The following TMEM131 variants were observed in gnomAD, a reference collection of about 807,000 sequenced individuals.
The protein encoded by TMEM131 is 2610524E03Rik.
In TMEM131, 66 loss-of-function variants were observed where a neutral mutation model predicts 211.6. That is an observed-to-expected ratio of 0.31 (90% confidence interval 0.26 to 0.38). The LOEUF (loss-of-function observed/expected upper bound fraction) is 0.38. TMEM131 is among the 10% of genes least tolerant of loss of function. The pLI, the probability that TMEM131 is intolerant of heterozygous loss-of-function variation, is 1.00. For missense variants in TMEM131, 2,036 were observed against 2,299.3 expected, an observed-to-expected ratio of 0.89 and a Z score of 2.34; for synonymous variants, 844 against 841.3, an observed-to-expected ratio of 1.00 and a Z score of -0.06.
intron 3 of TMEM131, among the ~76,000 whole-genome samples, chr2:97,892,736 G>A (rs777980069): frequency 2.0e-5 from 3 of 152,068 alleles, no homozygotes; most frequent in Non-Finnish European, 2.9e-5. Context: ...TCTATGAAAA[G>A]CTTGGTTTTA....
intron 2 of TMEM131, among the ~76,000 whole-genome samples, chr2:97,914,898 G>C (rs1676443787): frequency 6.6e-6 from 1 of 152,206 alleles, no homozygotes; most frequent in Non-Finnish European, 1.5e-5. Flanking sequence ...CCCCAAGAGA[G>C]CAATTAGTAG....
chr2:97,829,971 T>G (rs2105046552), intron 11 of TMEM131, among the ~76,000 whole-genome samples: 1 of 152,118 alleles, frequency 6.6e-6, no homozygotes, highest in East Asian at 1.9e-4. Context: ...GTTGATGAAA[T>G]TTTTTTCATG....
At chr2:97,856,008 A>G (rs1673828741) in intron 5 of TMEM131, among the ~76,000 whole-genome samples, 1 of 152,334 alleles carries the variant, frequency 6.6e-6, no homozygotes, top group South Asian at 2.1e-4. Flanking sequence ...TTTTAATTTT[A>G]GTCACAGACT....
chr2:97,772,349 T>A lies in TMEM131; in HGVS notation c.4396A>T (p.Ser1466Cys). Residue 1466 changes from serine to cysteine, a missense_variant, in exon 33 of 41, where the codon AGC (serine) becomes TGC (cysteine). This residue lies in a region of TMEM131 where 1,623 missense variants were observed against 1,805.9 expected (regional missense o/e 0.90). Transcript: ENST00000186436. ...ESEMSQVKQKSKKLLNIKKEI... is the reference protein window; with the variant it reads ...ESEMSQVKQKCKKLLNIKKEI... ...TTCTTAATATTTAAGAGTTTTTTGCTTTTTTGCTTCACTTGAGACATTTCA... is the reference window on the plus strand; with the variant it reads ...TTCTTAATATTTAAGAGTTTTTTGCATTTTTGCTTCACTTGAGACATTTCA... 1 of 1,600,814 alleles carries A rather than the reference T, an allele frequency of 6.2e-7. No homozygotes were observed. The highest frequency in any genetic ancestry group is 8.5e-7 in the Non-Finnish European group (1 of 1,176,926).
chr2:97,904,798 C>CT (rs74265071), intron 3 of TMEM131, among the ~76,000 whole-genome samples: 1,524 of 138,842 alleles, frequency 0.011, 20 homozygotes, highest in African/African-American at 0.028. Flanking sequence ...GGCTATAGTT[C>CT]TTTTTTTTTT....
intron 11 of TMEM131, chr2:97,827,494 A>G (rs1055030221): frequency 6.5e-6 from 7 of 1,082,782 alleles, no homozygotes; most frequent in African/African-American, 1.5e-5. Flanking sequence ...GGAAACGAAA[A>G]CTGAGGAGAG....
chr2:97,897,612 C>T (rs1675668230), intron 3 of TMEM131, among the ~76,000 whole-genome samples: 1 of 152,090 alleles, frequency 6.6e-6, no homozygotes, highest in Non-Finnish European at 1.5e-5. Context: ...GGCCATGATG[C>T]ATTACCCTGT....
chr2:97,762,297 G>A, intron 35 of TMEM131, 97 bp from the exon 36 acceptor site: 1 of 1,257,662 alleles, frequency 8.0e-7, no homozygotes, highest in Non-Finnish European at 1.1e-6. Flanking sequence ...CATAACTCAA[G>A]CCCTTCTACA....
chr2:97,816,297 C>T (rs966473298), intron 12 of TMEM131, among the ~76,000 whole-genome samples: 2 of 151,970 alleles, frequency 1.3e-5, no homozygotes, highest in African/African-American at 2.4e-5. Context: ...GCCGAGATTG[C>T]GCCATTGCAC....
At chr2:97,768,147 A>C (rs987223672) in intron 33 of TMEM131, among the ~76,000 whole-genome samples, 4 of 152,272 alleles carry the variant, frequency 2.6e-5, no homozygotes, top group Non-Finnish European at 5.9e-5. Context: ...GTAAGAGAGC[A>C]AACCAAAAAG....
intron 4 of TMEM131, among the ~76,000 whole-genome samples, chr2:97,874,201 C>T (rs1019480528): frequency 5.9e-5 from 9 of 152,138 alleles, no homozygotes; most frequent in Non-Finnish European, 1.3e-4. Flanking sequence ...ATGAACAAAG[C>T]CTCCAAGAAA....
chr2:97,930,939 A>G (rs1677191896), intron 1 of TMEM131, among the ~76,000 whole-genome samples: 1 of 86,050 alleles, frequency 1.2e-5, no homozygotes. Context: ...CCTATGACAC[A>G]GACATTATGA....
chr2:97,921,789 G>A (rs914727154), intron 2 of TMEM131, among the ~76,000 whole-genome samples: 1 of 152,140 alleles, frequency 6.6e-6, no homozygotes, highest in Non-Finnish European at 1.5e-5. Context: ...AAATGGTCAA[G>A]TAAACATGAA....
chr2:97,990,721 T>A (rs1273285373), intron 1 of TMEM131, among the ~76,000 whole-genome samples: 2 of 152,244 alleles, frequency 1.3e-5, no homozygotes, highest in Non-Finnish European at 2.9e-5. Context: ...GACTTCCTCA[T>A]GACATCTGCA....
chr2:97,780,850 G>A (rs1362773230), intron 31 of TMEM131, among the ~76,000 whole-genome samples: 1 of 151,888 alleles, frequency 6.6e-6, no homozygotes, highest in Non-Finnish European at 1.5e-5. Flanking sequence ...GAATGGAGAA[G>A]CGGTTTAGAA....
chr2:97,922,496 T>G (rs542064431), intron 2 of TMEM131, among the ~76,000 whole-genome samples: 1 of 151,986 alleles, frequency 6.6e-6, no homozygotes, highest in Admixed American at 6.6e-5. Flanking sequence ...AAATAATACA[T>G]AAATTGGGGC....
chr2:97,797,494 G>A lies in TMEM131; in HGVS notation c.2741C>T (p.Thr914Ile), dbSNP rs953605187. The A allele has an allele frequency of 6.2e-7, 1 of 1,612,922 alleles. No individual in the cohort carries two copies. Among genetic ancestry groups the A allele is most frequent in the East Asian group, 2.2e-5 (1 of 44,870 alleles). ...TCGAGAGAGGCCCTCCATAAATCCTGTTGAACTCTGCAGTGGATGAGCCTT... is the reference window on the plus strand; with the variant it reads ...TCGAGAGAGGCCCTCCATAAATCCTATTGAACTCTGCAGTGGATGAGCCTT... ...RNSAHPLQSSTGFMEGLSRHL... is the reference protein window; with the variant it reads ...RNSAHPLQSSIGFMEGLSRHL... The change falls in exon 26 of 41, where the codon ACA becomes ATA. Residue 914 changes from threonine (T) to isoleucine (I), a missense_variant. Physicochemically the swap from Thr to Ile is moderately conservative, Grantham distance 89 (BLOSUM62 -1). Coordinates refer to ENST00000186436, the MANE Select transcript of TMEM131 (RefSeq NM_015348.2).
Position 97,842,012 on chromosome 2 carries a change from T to C in TMEM131, c.601-75A>G, listed in dbSNP as rs190704999. 646 of 1,270,304 alleles carry C rather than the reference T, an allele frequency of 5.1e-4. 2 individuals carry two copies. The African/African-American group carries it at 8.6e-3, about 17-fold the overall frequency. The allele number at this position is 1,270,304 out of a possible 1,614,324, so 78.7% of individuals were successfully genotyped here. A position where few individuals can be genotyped will look rare whatever the true frequency, so the allele number is the denominator to read the frequency against. ...TATTTTTAGTTATAACTGACTGATC[T>C]AGGGAGACTGGCAAATCTAATTTAT... On this transcript the variant is annotated intron_variant, in intron 6 of 40. Transcript: ENST00000186436.
chr2:97,991,928 A>C (rs982942057), intron 1 of TMEM131, among the ~76,000 whole-genome samples: 5 of 152,338 alleles, frequency 3.3e-5, no homozygotes, highest in Admixed American at 2.0e-4. Flanking sequence ...CCACTGTAAG[A>C]ATTAGAAGGA....
Sources: allele counts gnomAD v4.1 joint callset (sites outside exome capture counted in the v4.1 genomes callset), GRCh38; gene constraint gnomAD v4.1.1; regional missense constraint gnomAD v4.1.1; transcripts MANE v1.5; gene names NCBI Gene and HGNC (gene_info 2026-07-23, HGNC 2026-07-21).